Variants in PODNL1 observed in about 807,000 individuals in gnomAD.
PODNL1 encodes the protein podocan like 1.
Under a neutral mutation model 45.1 loss-of-function variants are expected in PODNL1, and 50 were observed. The observed-to-expected ratio is 1.11, with a 90% CI of 0.88 to 1.40. PODNL1 has a LOEUF of 1.40. Among genes scored for constraint, PODNL1 ranks in the 40% most tolerant of loss-of-function variants. The pLI is 0.00. For synonymous variants in PODNL1, 406 were observed against 372.5 expected (o/e 1.09, Z -1.04); for missense variants, 788 against 793.3 (o/e 0.99, Z 0.08).
Position 13,934,282 on chromosome 19 carries a change from G to A in PODNL1, c.623C>T (p.Pro208Leu), listed in dbSNP as rs200074040. 5.7e-5 allele frequency: 87 copies of A among 1,531,336 alleles called. 1 individual carries two copies. The highest frequency in any genetic ancestry group is 3.2e-4 in the Admixed American group (15 of 47,426). The allele number at this position is 1,531,336 out of a possible 1,614,324, so 94.9% of individuals were successfully genotyped here. Reference sequence around the variant, plus strand: ...CAGGTGGAGCCGCTCGAGTGAGGGCGGCAGGCTGGGCGGCAGGTAGCTGAG... The same window carrying A: ...CAGGTGGAGCCGCTCGAGTGAGGGCAGCAGGCTGGGCGGCAGGTAGCTGAG... Reference protein sequence around the residue: ...NQLSYLPPSLPPSLERLHLQN... With the variant: ...NQLSYLPPSLLPSLERLHLQN... Residue 208 changes from proline to leucine, a missense_variant, in exon 6 of 10, where the codon CCG (proline) becomes CTG (leucine). Physicochemically the swap from Pro to Leu is moderately conservative, Grantham distance 98. Around this residue, in one of 3 missense-constraint regions of PODNL1, gnomAD observed 762 missense variants for 750.9 expected, o/e 1.01. Coordinates refer to ENST00000588872, the MANE Select transcript of PODNL1 (RefSeq NM_001370095.3).
upstream of PODNL1, among the ~76,000 whole-genome samples, chr19:13,939,661 C>T (rs536973207): frequency 7.8e-4 from 119 of 151,732 alleles, 1 homozygote; most frequent in African/African-American, 2.8e-3. Flanking sequence ...CTTAGGCAGG[C>T]GGATCACCTG....
chr19:13,934,150 T>C, intron 6 of PODNL1, 104 bp downstream of exon 6: 1 of 1,392,270 alleles, frequency 7.2e-7, no homozygotes, highest in South Asian at 1.4e-5. Flanking sequence ...ACCACTGGCA[T>C]TCTGAGGGGC....
intron 8 of PODNL1, chr19:13,932,566 G>A (rs1972020882): frequency 1.7e-6 from 2 of 1,143,950 alleles, no homozygotes. Context: ...TGTGTTGCCA[G>A]GCTGGTCTCA....
intron 1 of PODNL1, among the ~76,000 whole-genome samples, chr19:13,951,587 A>G (rs1404793494): frequency 6.6e-6 from 1 of 152,214 alleles, no homozygotes; most frequent in Non-Finnish European, 1.5e-5. Context: ...AGCCTGGCCA[A>G]CATAGTGAAA....
At chr19:13,939,970 G>T (rs1386062430), upstream of PODNL1, 3 of 152,024 alleles carry the variant, frequency 2.0e-5, no homozygotes, top group African/African-American at 7.2e-5. Context: ...GAGCCTCTGG[G>T]CTCAAGTTTG....
intron 5 of PODNL1, among the ~76,000 whole-genome samples, chr19:13,935,143 AGTGT>A (rs144912314): frequency 1.3e-5 from 2 of 148,772 alleles, no homozygotes; most frequent in South Asian, 4.3e-4. Context: ...AGTCTGTGTA[AGTGT>A]GTGTGTGTGT....
At chr19:13,943,765 C>T (rs1198695198) in intron 1 of PODNL1, among the ~76,000 whole-genome samples, 1 of 151,984 alleles carries the variant, frequency 6.6e-6, no homozygotes, top group African/African-American at 2.4e-5. Flanking sequence ...CCCAGCCTCT[C>T]CTCTCCTGTC....
At chr19:13,938,078 C>G (rs888544945) in intron 1 of PODNL1, 72 bp from the exon 2 acceptor site, 1 of 1,469,056 alleles carries the variant, frequency 6.8e-7, no homozygotes, top group Middle Eastern at 2.0e-4. Flanking sequence ...AGCATCCCCT[C>G]CTCGGGGAGG....
chr19:13,952,332 C>A (rs1973080947), intron 1 of PODNL1, among the ~76,000 whole-genome samples: 1 of 152,222 alleles, frequency 6.6e-6, no homozygotes, highest in Non-Finnish European at 1.5e-5. Context: ...CGGCAACGGG[C>A]CGCGGGGGCT....
At chr19:13,947,182 A>G in intron 1 of PODNL1, among the ~76,000 whole-genome samples, 1 of 143,592 alleles carries the variant, frequency 7.0e-6, no homozygotes, top group South Asian at 2.2e-4. Context: ...AAAAAAAAAA[A>G]AAAAAAAAAA....
At chr19:13,943,898 G>A (rs182991020) in intron 1 of PODNL1, among the ~76,000 whole-genome samples, 8 of 152,144 alleles carry the variant, frequency 5.3e-5, no homozygotes, top group African/African-American at 1.7e-4. Context: ...TCACATTCAC[G>A]GCATCGGGGA....
Position 13,933,269 on chromosome 19 carries a change from G to C in PODNL1, c.954C>G (p.Ser318Arg). Residue 318 changes from serine (S) to arginine (R), a missense_variant, in exon 8 of 10, where the codon AGC becomes AGG. Ser to Arg is a moderately radical substitution (Grantham distance 110). Transcript: ENST00000588872. The surrounding 1 kb of genome is among the most constrained non-coding windows in gnomAD (Gnocchi z 5.2). ...YLLLQHNQLGSSGLPAGALRP... is the reference protein window; with the variant it reads ...YLLLQHNQLGRSGLPAGALRP... ...GCAGAGCCCCGGCGGGCAGCCCTGA[G>C]CTCCCCAGCTGGTTGTGCTGCAGCA... is the stretch of plus-strand genomic sequence containing the variant. The C allele has an allele frequency of 6.4e-7, 1 of 1,562,986 alleles. No homozygotes were observed. Among genetic ancestry groups the C allele is most frequent in the Non-Finnish European group, 8.6e-7 (1 of 1,159,592 alleles).
chr19:13,937,952 AGCCGGCGACGGGC>A lies in PODNL1; in HGVS notation c.45_57del (p.Pro16TrpfsTer131), dbSNP rs1176022505. ...AGGTGGGGGAAGGCAGCGTCTTCCA[AGCCGGCGACGGGC>A]GGGGGCCCCGGCAACAGCAGGAGCA... On this transcript the variant is annotated frameshift_variant, in exon 2 of 10. Coordinates refer to ENST00000588872, the MANE Select transcript of PODNL1 (RefSeq NM_001370095.3). LOFTEE classifies it high-confidence loss of function. The A allele has an allele frequency of 6.5e-6, 10 of 1,544,428 alleles. No homozygotes were observed. The Admixed American group carries it at 2.0e-4, about 30-fold the overall frequency.
chr19:13,943,863 G>A (rs533308676), intron 1 of PODNL1, among the ~76,000 whole-genome samples: 1 of 152,154 alleles, frequency 6.6e-6, no homozygotes, highest in Non-Finnish European at 1.5e-5. Context: ...GAATTACATC[G>A]CAAAGACCTG....
intron 1 of PODNL1, among the ~76,000 whole-genome samples, chr19:13,944,497 G>A (rs193278062): frequency 1.5e-3 from 214 of 144,108 alleles, no homozygotes; most frequent in African/African-American, 5.3e-3. Context: ...TCTCTCTGTT[G>A]CCCAGGCTGG....
At position 13,932,820 on chromosome 19, in the gene PODNL1, C is replaced by T. The variant is rs772687903; in HGVS notation, c.1403G>A (p.Trp468Ter). The change falls in exon 8 of 10, where the codon TGG (tryptophan) becomes TAG (stop). Residue 468 changes from tryptophan (W) to a stop codon, truncating the protein, a stop_gained. Coordinates refer to ENST00000588872, the MANE Select transcript of PODNL1 (RefSeq NM_001370095.3). LOFTEE classifies it high-confidence loss of function. The part of the protein sequence containing the change: ...LRVGDIGPGT[W>*]HELQALQMLD... ...GACCTGGAGGGCTTGGAGCTCATGC[C>T]AGGTGCCTGGCCCGATGTCGCCGAC... is the stretch of plus-strand genomic sequence containing the variant. 6.2e-7 allele frequency: 1 copy of T among 1,612,958 alleles called. No individual in the cohort carries two copies. The highest frequency in any genetic ancestry group is 1.7e-5 in the Admixed American group (1 of 60,016).
intron 3 of PODNL1, 146 bp from the exon 4 acceptor site, chr19:13,936,190 CA>C (rs1452817608): frequency 2.1e-6 from 2 of 943,470 alleles, no homozygotes; most frequent in Non-Finnish European, 3.2e-6. Context: ...CATCCCTACT[CA>C]AAAGCCACAG....
At position 13,932,022 on chromosome 19, in the gene PODNL1, C is replaced by G; in HGVS notation, c.1516G>C (p.Gly506Arg). ...AGGAAGGCCTCGGGGCCCACGTGGCCGATGCGGTTGCCCTCGAGGTGCAGC... is the reference window on the plus strand; with the variant it reads ...AGGAAGGCCTCGGGGCCCACGTGGCGGATGCGGTTGCCCTCGAGGTGCAGC... ...EELHLEGNRI[G>R]HVGPEAFLST... Residue 506 changes from glycine (G) to arginine (R), a missense_variant, in exon 9 of 10, where the codon GGC becomes CGC. This residue lies in a region of PODNL1 where 762 missense variants were observed against 750.9 expected (regional missense o/e 1.01). Transcript: ENST00000588872. The G allele has an allele frequency of 8.1e-7, 1 of 1,232,290 alleles. No homozygotes were observed. 76.3% of individuals were successfully genotyped at this position (1,232,290 alleles called of 1,614,324 possible).
intron 1 of PODNL1, among the ~76,000 whole-genome samples, chr19:13,946,499 TGAGGAGTTA>T (rs1011709001): frequency 1.8e-4 from 27 of 151,706 alleles, no homozygotes; most frequent in Admixed American, 1.1e-3. Context: ...AAGGAAGCAA[TGAGGAGTTA>T]GGACCACAAG....
Sources: allele counts gnomAD v4.1 joint callset (sites outside exome capture counted in the v4.1 genomes callset), GRCh38; gene constraint gnomAD v4.1.1; regional missense constraint gnomAD v4.1.1; non-coding constraint Gnocchi (gnomAD v3.1); transcripts MANE v1.5; gene names NCBI Gene and HGNC (gene_info 2026-07-23, HGNC 2026-07-21).